RBKS: variants seen among roughly 807,000 people sequenced by gnomAD.
RBKS encodes the protein ribokinase.
A neutral mutation model predicts 33.9 loss-of-function variants in RBKS; 33 were observed. The ratio of observed to expected loss-of-function variants is 0.97; its 90% CI spans 0.74 to 1.30. RBKS has a LOEUF of 1.30. Ranked by LOEUF, RBKS falls within the 50% of genes most tolerant of loss-of-function variation. RBKS has a pLI of 0.00. For synonymous variants in RBKS, 125 were observed against 143.0 expected (o/e 0.87, Z 0.90); for missense variants, 361 against 392.6 (o/e 0.92, Z 0.68).
At position 27,835,584 on chromosome 2, in the gene RBKS, A is replaced by AT. The variant is rs34787188; in HGVS notation, c.515-2808dup. Among the ~76,000 whole-genome samples the AT allele has an allele frequency of 4.6e-3, 574 of 125,558 alleles. 5 individuals are homozygous for AT. Among genetic ancestry groups the AT allele is most frequent in the African/African-American group, 9.7e-3 (325 of 33,516 alleles). 82.4% of individuals were successfully genotyped at this position (125,558 alleles called of 152,430 possible). On this transcript the variant is annotated intron_variant, in intron 5 of 7. Coordinates refer to ENST00000302188, the MANE Select transcript of RBKS (RefSeq NM_022128.3). ...ATGGGCCTATCACCATGCTTGGGCA[A>AT]TTTTTTTTTTTTTTTTTTTTGGTAG...
intron 7 of RBKS, among the ~76,000 whole-genome samples, chr2:27,801,984 ATATATATATTTTTTTT>A (rs1558536510): frequency 2.1e-5 from 2 of 95,052 alleles, no homozygotes; most frequent in African/African-American, 9.3e-5. Context: ...ATATATATAT[ATATATATATTTTTTTT>A]TTTTTTTTTT....
chr2:27,801,720 G>C (rs1218918435), intron 7 of RBKS, among the ~76,000 whole-genome samples: 1 of 151,780 alleles, frequency 6.6e-6, no homozygotes, highest in Non-Finnish European at 1.5e-5. Context: ...GCATGGTGCT[G>C]GCACCTGCGT....
chr2:27,785,800 C>G (rs1422800837), intron 7 of RBKS, among the ~76,000 whole-genome samples: 1 of 151,944 alleles, frequency 6.6e-6, no homozygotes, highest in Non-Finnish European at 1.5e-5. Flanking sequence ...GTGTAACGCT[C>G]TTTGATTCAA....
At chr2:27,807,025 G>C (rs776262321) in intron 7 of RBKS, among the ~76,000 whole-genome samples, 10 of 152,194 alleles carry the variant, frequency 6.6e-5, no homozygotes, top group Non-Finnish European at 1.3e-4. Flanking sequence ...TCAAGCTAGG[G>C]AACTCCACCA....
rs963617605 is a variant in RBKS, at chr2:27,865,484, T to C, written c.90-6913A>G. ...ACATGACATTACAATACTCATTTCC[T>C]TCTTTTCCTGCTTTCTTTTGGATTA... On this transcript the variant is annotated intron_variant, in intron 1 of 7. Coordinates refer to ENST00000302188, the MANE Select transcript of RBKS (RefSeq NM_022128.3). Among the ~76,000 whole-genome samples the C allele has an allele frequency of 3.3e-5, 5 of 152,212 alleles. No homozygotes were observed. The East Asian group carries it at 9.6e-4, about 29-fold the overall frequency.
At chr2:27,878,906 C>T (rs1664368780) in intron 1 of RBKS, among the ~76,000 whole-genome samples, 1 of 152,102 alleles carries the variant, frequency 6.6e-6, no homozygotes, top group African/African-American at 2.4e-5. Flanking sequence ...GTACTTTGAG[C>T]CCTTCACTGG....
intron 7 of RBKS, among the ~76,000 whole-genome samples, chr2:27,799,980 C>T (rs982519824): frequency 6.6e-6 from 1 of 151,808 alleles, no homozygotes; most frequent in Non-Finnish European, 1.5e-5. Context: ...TAATCACTGA[C>T]AGGCAGGAGA....
At chr2:27,801,066 C>T (rs1014840973) in intron 7 of RBKS, among the ~76,000 whole-genome samples, 11 of 152,158 alleles carry the variant, frequency 7.2e-5, no homozygotes, top group Admixed American at 2.6e-4. Flanking sequence ...ATGGAGCATT[C>T]CACTGTCTAC....
intron 7 of RBKS, among the ~76,000 whole-genome samples, chr2:27,816,413 T>A (rs532180977): frequency 5.5e-4 from 84 of 152,286 alleles, no homozygotes; most frequent in African/African-American, 1.9e-3. Context: ...GTCTTCTTCA[T>A]TTTTTCCAGC....
chr2:27,822,319 G>A (rs979701316), intron 7 of RBKS, among the ~76,000 whole-genome samples: 7 of 152,174 alleles, frequency 4.6e-5, no homozygotes, highest in African/African-American at 2.4e-5. Context: ...ACTGGTGGCA[G>A]TGACAAGGGT....
At chr2:27,789,985 GTAGAGAGAGAGAGA>G (rs1677490452) in intron 7 of RBKS, among the ~76,000 whole-genome samples, 1 of 112,218 alleles carries the variant, frequency 8.9e-6, no homozygotes, top group Non-Finnish European at 1.8e-5. Flanking sequence ...ATATATATAT[GTAGAGAGAGAGAGA>G]GAGAGAGAGA....
intron 7 of RBKS, among the ~76,000 whole-genome samples, chr2:27,818,065 C>A (rs765671697): frequency 2.0e-5 from 3 of 152,132 alleles, no homozygotes; most frequent in African/African-American, 7.2e-5. Context: ...TACTAATATA[C>A]AGAGCCAAGA....
chr2:27,883,775 GGT>G (rs1664469624), intron 1 of RBKS, among the ~76,000 whole-genome samples: 1 of 149,562 alleles, frequency 6.7e-6, no homozygotes, highest in African/African-American at 2.5e-5. Context: ...TACCTAGGCT[GGT>G]CTTAAACTCC....
chr2:27,801,950 G>GAAAAAA (rs1217494223), intron 7 of RBKS, among the ~76,000 whole-genome samples: 6 of 40,510 alleles, frequency 1.5e-4, no homozygotes, highest in African/African-American at 4.7e-4. Context: ...AGTAGCTGGG[G>GAAAAAA]AAAAAAAAAA....
At chr2:27,887,147 T>A (rs1340027054) in intron 1 of RBKS, among the ~76,000 whole-genome samples, 1 of 152,180 alleles carries the variant, frequency 6.6e-6, no homozygotes, top group Non-Finnish European at 1.5e-5. Flanking sequence ...AGAGTTCTTA[T>A]AATGTAGAAG....
intron 1 of RBKS, among the ~76,000 whole-genome samples, chr2:27,876,659 G>A (rs950247731): frequency 1.3e-5 from 2 of 152,100 alleles, no homozygotes; most frequent in African/African-American, 4.8e-5. Flanking sequence ...AGGGGCTGAG[G>A]GGAGGAGGGG....
chr2:27,809,290 C>A (rs1404434284), intron 7 of RBKS, among the ~76,000 whole-genome samples: 1 of 152,246 alleles, frequency 6.6e-6, no homozygotes, highest in East Asian at 1.9e-4. Flanking sequence ...ATGGCCCTCA[C>A]CGCTCTGCTG....
At chr2:27,788,661 C>T (rs1021978660) in intron 7 of RBKS, among the ~76,000 whole-genome samples, 1 of 152,092 alleles carries the variant, frequency 6.6e-6, no homozygotes, top group Non-Finnish European at 1.5e-5. Flanking sequence ...GAGCCAAGAT[C>T]GCATCACTGC....
At chr2:27,832,839 G>C in intron 5 of RBKS, 62 bp from the exon 6 acceptor site, 1 of 1,076,896 alleles carries the variant, frequency 9.3e-7, no homozygotes, top group Non-Finnish European at 1.4e-6. Context: ...TGCATTTACA[G>C]ACAACATTCA....
Sources: gnomAD v4.1 joint callset for allele counts (sites outside exome capture counted in the v4.1 genomes callset) on GRCh38, gnomAD v4.1.1 for gene constraint, MANE v1.5 for transcripts, NCBI Gene and HGNC (gene_info 2026-07-23, HGNC 2026-07-21) for gene names.